ANKRD36C: variants seen among roughly 807,000 people sequenced by gnomAD.
ANKRD36C encodes the protein ankyrin repeat domain-containing protein 36C.
ANKRD36C carries 61 observed loss-of-function variants against 276.4 expected under a neutral mutation model. That is an observed-to-expected ratio of 0.22 (90% CI 0.18 to 0.27). The LOEUF is 0.27. ANKRD36C is among the 10% of genes least tolerant of loss of function. The pLI, the probability that ANKRD36C is intolerant of heterozygous loss-of-function variation, is 1.00. For synonymous variants in ANKRD36C, 483 were observed against 680.1 expected, an observed-to-expected ratio of 0.71 and a Z score of 4.51; for missense variants, 1,447 against 2,032.3, an observed-to-expected ratio of 0.71 and a Z score of 5.54.
At chr2:95,979,661 C>T (rs1184453694) in intron 5 of ANKRD36C, among the ~76,000 whole-genome samples, 1 of 151,880 alleles carries the variant, frequency 6.6e-6, no homozygotes, top group East Asian at 1.9e-4. Context: ...TATAAAAAGT[C>T]TCAGGGTACA....
chr2:95,910,019 C>T (rs1408887998), intron 42 of ANKRD36C, among the ~76,000 whole-genome samples: 7 of 151,318 alleles, frequency 4.6e-5, no homozygotes, highest in South Asian at 4.1e-4. Context: ...CTTAGCAGTA[C>T]GATGTGACGT....
At position 95,856,307 on chromosome 2, in the gene ANKRD36C, G is replaced by A. The variant is rs1021856090; in HGVS notation, c.4081-127C>T. On this transcript the variant is annotated intron_variant, in intron 62 of 66. Transcript: ENST00000456556. ...GTTGCCATAACTGGATATCTAACTG[G>A]GAAAAAAGAAGTTGAGTCAAAACCT... 27 of 1,516,096 alleles carry A rather than the reference G, an allele frequency of 1.8e-5. 1 individual carries two copies. In the Middle Eastern group the frequency reaches 1.9e-3, roughly 107 times the overall value. 93.9% of individuals were successfully genotyped at this position (1,516,096 alleles called of 1,614,324 possible).
At chr2:95,891,564 A>G in intron 46 of ANKRD36C, 101 bp downstream of exon 66, 2 of 1,379,140 alleles carry the variant, frequency 1.5e-6, no homozygotes, top group African/African-American at 1.5e-5. Context: ...CTGCTGTATC[A>G]GAATGTGCAG....
rs376196090 is a variant in ANKRD36C, at chr2:95,917,884, T to G, written c.2318A>C (p.Glu773Ala). Residue 773 changes from glutamate (E) to alanine (A), a missense_variant, in exon 36 of 67, where the codon GAA (glutamate) becomes GCA (alanine). Physicochemically the swap from Glu to Ala is moderately radical, Grantham distance 107. This residue lies in a region of ANKRD36C where 565 missense variants were observed against 539.5 expected (regional missense o/e 1.05). Transcript: ENST00000456556. Reference sequence around the variant, plus strand: ...CCCAGATTTTTCTCCGTCCTTTATTTCTGTGGCTATAATCGAAACAGAATC... The same window carrying G: ...CCCAGATTTTTCTCCGTCCTTTATTGCTGTGGCTATAATCGAAACAGAATC... 250 of 1,606,634 alleles carry G rather than the reference T, an allele frequency of 1.6e-4. 1 individual carries two copies. In the East Asian group the frequency reaches 2.3e-3, roughly 15 times the overall value.
At chr2:95,956,133 T>G (rs571235825) in intron 13 of ANKRD36C, among the ~76,000 whole-genome samples, 37 of 152,272 alleles carry the variant, frequency 2.4e-4, no homozygotes, top group Admixed American at 1.0e-3. Flanking sequence ...AGAAATATCA[T>G]TTTAATATAT....
intron 4 of ANKRD36C, 121 bp from the exon 5 acceptor site, chr2:95,980,906 A>T: frequency 7.3e-7 from 1 of 1,372,076 alleles, no homozygotes; most frequent in Non-Finnish European, 9.7e-7. Context: ...TGTACTAAGA[A>T]ACAAGCATCT....
intron 3 of ANKRD36C, among the ~76,000 whole-genome samples, chr2:95,984,063 G>A (rs1678977047): frequency 6.6e-6 from 1 of 152,164 alleles, no homozygotes; most frequent in African/African-American, 2.4e-5. Context: ...TATGTATAAA[G>A]ATAAATAGTT....
chr2:95,946,861 G>T (rs2104476115), intron 17 of ANKRD36C, among the ~76,000 whole-genome samples: 1 of 149,762 alleles, frequency 6.7e-6, no homozygotes, highest in East Asian at 2.0e-4. Context: ...TGAACAATGA[G>T]ATCACATGGA....
At chr2:95,956,944 A>T in intron 12 of ANKRD36C, 128 bp from the exon 13 acceptor site, 1 of 848,584 alleles carries the variant, frequency 1.2e-6, no homozygotes, top group Non-Finnish European at 1.8e-6. Flanking sequence ...CAGAAATATC[A>T]CTTGAGAAGC....
intron 61 of ANKRD36C, 79 bp from the exon 82 acceptor site, chr2:95,857,571 C>T: frequency 7.0e-7 from 1 of 1,428,940 alleles, no homozygotes; most frequent in Non-Finnish European, 9.4e-7. Context: ...AAATTCCTAC[C>T]TAAGGGGTCC....
chr2:95,913,587 G>T (rs1189054408), intron 40 of ANKRD36C, among the ~76,000 whole-genome samples: 2 of 151,286 alleles, frequency 1.3e-5, no homozygotes, highest in African/African-American at 4.8e-5. Flanking sequence ...GTTCACTCAG[G>T]TTTCCTCAGC....
chr2:95,863,817 G>T (rs1278340974), intron 60 of ANKRD36C, among the ~76,000 whole-genome samples: 1 of 152,104 alleles, frequency 6.6e-6, no homozygotes, highest in Non-Finnish European at 1.5e-5. Flanking sequence ...GGTGCCAAAG[G>T]GTAAGAGACA....
intron 3 of ANKRD36C, among the ~76,000 whole-genome samples, chr2:95,983,697 G>A (rs1172885676): frequency 2.0e-5 from 3 of 151,558 alleles, no homozygotes; most frequent in Non-Finnish European, 4.4e-5. Context: ...TGCAACCTCC[G>A]CCTCCCGGAT....
At chr2:95,887,321 T>C (rs971704236) in intron 50 of ANKRD36C, among the ~76,000 whole-genome samples, 7 of 151,348 alleles carry the variant, frequency 4.6e-5, no homozygotes, top group African/African-American at 1.7e-4. Flanking sequence ...CTGCACCCAG[T>C]AGTTCCAGCA....
chr2:95,954,914 C>G (rs1426525771), intron 13 of ANKRD36C, among the ~76,000 whole-genome samples: 4 of 152,082 alleles, frequency 2.6e-5, no homozygotes, highest in African/African-American at 4.8e-5. Context: ...AATCTCCAAT[C>G]TATGTCTTCA....
chr2:95,910,436 C>G, intron 42 of ANKRD36C: 1 of 1,566,436 alleles, frequency 6.4e-7, no homozygotes, highest in Non-Finnish European at 8.7e-7. Flanking sequence ...TCTTCCTCGT[C>G]ACTTGTAGCC....
At position 95,912,253 on chromosome 2, in the gene ANKRD36C, A is replaced by T. The variant is rs1195875971; in HGVS notation, c.2644T>A (p.Ser882Thr). 5 of 1,549,822 alleles carry T rather than the reference A, an allele frequency of 3.2e-6. No individual in the cohort carries two copies. The South Asian group carries it at 5.9e-5, about 18-fold the overall frequency. Residue 882 changes from serine to threonine, a missense_variant, in exon 42 of 67, where the codon TCT becomes ACT. By Grantham distance (58) the Ser-to-Thr change is moderately conservative. This residue lies in a region of ANKRD36C where 565 missense variants were observed against 539.5 expected (regional missense o/e 1.05). Transcript: ENST00000456556. Reference sequence around the variant, plus strand: ...TGTTTTGCAAAATTACCTGTCCTAGATGTTTCTCCATCCTTTTTTTCTCTG... The same window carrying T: ...TGTTTTGCAAAATTACCTGTCCTAGTTGTTTCTCCATCCTTTTTTTCTCTG...
chr2:95,991,817 A>G (rs2579522), upstream of ANKRD36C: 60 of 1,055,934 alleles, frequency 5.7e-5, no homozygotes, highest in Admixed American at 4.0e-4. Flanking sequence ...GGACCTTCGC[A>G]CAGACTCTCA....
At position 95,927,372 on chromosome 2, in the gene ANKRD36C, T is replaced by G; in HGVS notation, c.1866+9A>C. ...TAATAGTTCAACATATAAATGAGTC[T>G]TTAATTACCTTCTCAGCTGGTTGTT... On this transcript the variant is annotated intron_variant, in intron 27 of 66. Coordinates refer to ENST00000456556, the Ensembl canonical transcript of ANKRD36C. The G allele has an allele frequency of 6.2e-7, 1 of 1,606,184 alleles. No individual in the cohort carries two copies. The highest frequency in any genetic ancestry group is 2.2e-5 in the East Asian group (1 of 44,752).
Sources: allele counts gnomAD v4.1 joint callset (sites outside exome capture counted in the v4.1 genomes callset), GRCh38; gene constraint gnomAD v4.1.1; regional missense constraint gnomAD v4.1.1; transcripts MANE v1.5; gene names NCBI Gene and HGNC (gene_info 2026-07-23, HGNC 2026-07-21).